ANK2: variants seen among roughly 807,000 people sequenced by gnomAD.
ANK2 encodes ankyrin 2, also known as ankyrin-2.
In ANK2, 83 loss-of-function variants were observed where a neutral mutation model predicts 360.5. The observed-to-expected ratio is 0.23, with a 90% CI of 0.19 to 0.28. The LOEUF (loss-of-function observed/expected upper bound fraction) is 0.28. Among genes scored for constraint, ANK2 ranks in the 10% least tolerant of loss-of-function variants. ANK2 has a pLI of 1.00. For synonymous variants in ANK2, 1,740 were observed against 1,759.5 expected (o/e 0.99, Z 0.28); for missense variants, 4,201 against 4,795.7 (o/e 0.88, Z 3.66).
At chr4:113,118,524 A>G (rs2095064265) in intron 1 of ANK2, among the ~76,000 whole-genome samples, 2 of 152,268 alleles carry the variant, frequency 1.3e-5, no homozygotes, top group South Asian at 2.1e-4. Flanking sequence ...ATAGGGATTC[A>G]TTGCATTTCA....
At chr4:113,220,415 T>C (rs2099136636) in intron 4 of ANK2, among the ~76,000 whole-genome samples, 2 of 152,242 alleles carry the variant, frequency 1.3e-5, no homozygotes, top group African/African-American at 4.8e-5. Flanking sequence ...AGAAGGAGGA[T>C]CCTGGGTAGG....
At chr4:113,214,518 T>C (rs919168472) in intron 4 of ANK2, 1 of 594,788 alleles carries the variant, frequency 1.7e-6, no homozygotes, top group Non-Finnish European at 3.0e-6. Flanking sequence ...ATTCATTAAT[T>C]TATTAAGAGC....
intron 1 of ANK2, among the ~76,000 whole-genome samples, chr4:112,825,551 C>T (rs1405392357): frequency 6.6e-6 from 1 of 152,146 alleles, no homozygotes; most frequent in Non-Finnish European, 1.5e-5. Context: ...ACCAATAATA[C>T]TACCAATACT....
intron 11 of ANK2, among the ~76,000 whole-genome samples, chr4:113,256,402 T>G (rs1044440564): frequency 6.6e-6 from 1 of 152,122 alleles, no homozygotes; most frequent in African/African-American, 2.4e-5. Context: ...CAATTGAAAA[T>G]TTTCATTGTT....
rs188798462 is a variant in ANK2, at chr4:112,882,039, C to G, written c.-39-22416C>G. ...TTACCACACAATCTGTGAGCCTTCT[C>G]CACTGCTCAGAAGGGCTCCTCAGGC... On this transcript the variant is annotated intron_variant, in intron 1 of 30. Coordinates refer to the ANK2 transcript ENST00000503271. 3.5e-3 allele frequency: 1,644 copies of G among 464,004 alleles called. 5 individuals are homozygous for G. Among genetic ancestry groups the G allele is most frequent in the Admixed American group, 4.4e-3 (148 of 33,600 alleles). 28.7% of individuals were successfully genotyped at this position (464,004 alleles called of 1,614,324 possible).
chr4:112,708,413 A>G, the ANK2 span, among the ~76,000 whole-genome samples: 1 of 152,338 alleles, frequency 6.6e-6, no homozygotes, highest in South Asian at 2.1e-4. Flanking sequence ...ATTTTTGACA[A>G]ATCTATTGGT....
At chr4:112,937,261 G>T (rs2093822969) in intron 2 of ANK2, among the ~76,000 whole-genome samples, 1 of 151,926 alleles carries the variant, frequency 6.6e-6, no homozygotes, top group Non-Finnish European at 1.5e-5. Flanking sequence ...GGCTCTATAT[G>T]GAAGCGGCTA....
chr4:112,810,157 ATATTT>A, the ANK2 span, among the ~76,000 whole-genome samples: 27 of 23,666 alleles, frequency 1.1e-3, no homozygotes, highest in South Asian at 1.9e-3. Flanking sequence ...ATATATATAT[ATATTT>A]TTTTTTTTTT....
chr4:112,999,979 T>C (rs1034101996), intron 2 of ANK2, among the ~76,000 whole-genome samples: 3 of 152,212 alleles, frequency 2.0e-5, no homozygotes, highest in Admixed American at 2.0e-4. Context: ...CCTACACATG[T>C]AACTCATGAA....
At chr4:113,256,420 T>C (rs1230321164) in intron 11 of ANK2, among the ~76,000 whole-genome samples, 1 of 152,196 alleles carries the variant, frequency 6.6e-6, no homozygotes, top group Non-Finnish European at 1.5e-5. Context: ...GTTGACTTGA[T>C]TACTCAACCA....
At chr4:113,068,115 C>T (rs1312168908) in intron 1 of ANK2, among the ~76,000 whole-genome samples, 1 of 152,092 alleles carries the variant, frequency 6.6e-6, no homozygotes, top group African/African-American at 2.4e-5. Flanking sequence ...CATTAGTTTC[C>T]CCCTGAGTGT....
chr4:113,349,466 C>T (rs1458019628), intron 36 of ANK2, among the ~76,000 whole-genome samples: 1 of 151,958 alleles, frequency 6.6e-6, no homozygotes, highest in African/African-American at 2.4e-5. Flanking sequence ...CAGAAGATGC[C>T]CCGGATTCGT....
chr4:113,094,380 G>C (rs6533666), intron 1 of ANK2, among the ~76,000 whole-genome samples: 48,463 of 151,980 alleles, frequency 0.32, 8,218 homozygotes, highest in Non-Finnish European at 0.39. Flanking sequence ...GAAAAAAGAC[G>C]TTCTCAAAGG....
chr4:112,821,239 G>A (rs2149521194), intron 1 of ANK2, among the ~76,000 whole-genome samples: 1 of 152,078 alleles, frequency 6.6e-6, no homozygotes, highest in East Asian at 1.9e-4. Flanking sequence ...TGTAGAGATG[G>A]AGTCTTGCTG....
At chr4:113,015,406 G>A (rs953038290) in intron 2 of ANK2, among the ~76,000 whole-genome samples, 1 of 152,134 alleles carries the variant, frequency 6.6e-6, no homozygotes, top group African/African-American at 2.4e-5. Flanking sequence ...ATTTCAAAGG[G>A]TCTTGCTTTC....
intron 1 of ANK2, among the ~76,000 whole-genome samples, chr4:112,868,314 AGT>A (rs1487223396): frequency 1.3e-5 from 2 of 152,224 alleles, no homozygotes; most frequent in African/African-American, 4.8e-5. Context: ...GAGACTAGGA[AGT>A]CTAAGAGCAT....
rs1322392294 is a variant in ANK2, at chr4:113,213,961, T to TA, written c.384+14852_384+14853insA. ...ACAAAATGCTGTTTTATTTATTTTT[T>TA]TTTTTTATTTTTTTTTTAAGTACAA... is the stretch of plus-strand genomic sequence containing the variant. On this transcript the variant is annotated intron_variant, in intron 4 of 45. Transcript: ENST00000357077. The TA allele has an allele frequency of 1.7e-3, 825 of 487,998 alleles. 83 individuals are homozygous for TA. The highest frequency in any genetic ancestry group is 0.015 in the East Asian group (435 of 29,022). The allele number at this position is 487,998 out of a possible 1,614,324, so 30.2% of individuals were successfully genotyped here. A position where few individuals can be genotyped will look rare whatever the true frequency, so the allele number is the denominator to read the frequency against.
At chr4:113,062,995 A>T (rs1304355630) in intron 1 of ANK2, among the ~76,000 whole-genome samples, 1 of 152,142 alleles carries the variant, frequency 6.6e-6, no homozygotes, top group Admixed American at 6.6e-5. Flanking sequence ...ATATCAATTT[A>T]GGTGACAGAT....
chr4:112,910,066 T>A (rs2086594378), intron 2 of ANK2, among the ~76,000 whole-genome samples: 1 of 152,214 alleles, frequency 6.6e-6, no homozygotes. Flanking sequence ...TAAGCATAAG[T>A]TTCTACAAAC....
Sources: gnomAD v4.1 joint callset for allele counts (sites outside exome capture counted in the v4.1 genomes callset) on GRCh38, gnomAD v4.1.1 for gene constraint, MANE v1.5 for transcripts, NCBI Gene and HGNC (gene_info 2026-07-23, HGNC 2026-07-21) for gene names.